Variants in HSPB7 observed in about 807,000 individuals in gnomAD.
The protein encoded by HSPB7 is heat shock protein beta-7.
Under a neutral mutation model 11.0 loss-of-function variants are expected in HSPB7, and 9 were observed. The observed-to-expected ratio is 0.82, with a 90% CI of 0.49 to 1.43. HSPB7 has a LOEUF of 1.43. Among genes scored for constraint, HSPB7 ranks in the 40% most tolerant of loss-of-function variants. The probability of loss-of-function intolerance (pLI) is 0.00; values close to 1 mark genes in which losing one functional copy is unlikely to be tolerated. For missense variants in HSPB7, 246 were observed against 243.9 expected (o/e 1.01, Z -0.06); for synonymous variants, 102 against 101.6 (o/e 1.00, Z -0.02).
At chr1:16,018,076 C>A (rs555020227), upstream of HSPB7, 1,326 of 1,583,042 alleles carry the variant, frequency 8.4e-4, no homozygotes, top group Non-Finnish European at 1.0e-3. Context: ...TTTATAAGGC[C>A]GACTGTCCCT....
Position 16,015,471 on chromosome 1 carries a change from T to G in HSPB7, c.*109A>C. ...TGGTCCACCTGGGGTCTGGGGTGCG[T>G]GGGGGCTAGAACCTGGGCTGAGATG... On this transcript the variant is annotated 3_prime_UTR_variant, in exon 3 of 3. Coordinates refer to ENST00000311890, the MANE Select transcript of HSPB7 (RefSeq NM_014424.5). The surrounding 1 kb of genome is among the most constrained non-coding windows in gnomAD (Gnocchi z 4.9). 1 of 1,073,924 alleles carries G rather than the reference T, an allele frequency of 9.3e-7. No individual in the cohort carries two copies. 66.5% of individuals were successfully genotyped at this position (1,073,924 alleles called of 1,614,324 possible). A position where few individuals can be genotyped will look rare whatever the true frequency, so the allele number is the denominator to read the frequency against.
At position 16,015,691 on chromosome 1, in the gene HSPB7, C is replaced by T. The variant is rs777263308; in HGVS notation, c.402G>A (p.Pro134=). The change falls in exon 3 of 3, where the codon CCG becomes CCA. Residue 134 remains proline, a synonymous_variant. Transcript: ENST00000311890. The surrounding 1 kb of genome is among the most constrained non-coding windows in gnomAD (Gnocchi z 4.9). ...HKCQLPEDVD[P]TSVTSALRED... Reference sequence around the variant, plus strand: ...CCCGCAGAGCCGAGGTCACCGACGTCGGGTCCACGTCCTCCGGCAGCTGGC... The same window carrying T: ...CCCGCAGAGCCGAGGTCACCGACGTTGGGTCCACGTCCTCCGGCAGCTGGC... 8.7e-6 allele frequency: 14 copies of T among 1,612,806 alleles called. No homozygotes were observed. The highest frequency in any genetic ancestry group is 2.2e-5 in the East Asian group (1 of 44,866).
upstream of HSPB7, chr1:16,018,973 G>A: frequency 1.0e-6 from 1 of 993,534 alleles, no homozygotes; most frequent in African/African-American, 1.6e-5. Flanking sequence ...GCTCGCAGTT[G>A]CGTAAGTGGC....
In HSPB7 at chr1:16,014,778, G is replaced by A. The variant is rs979313619; in HGVS notation, c.*802C>T. Reference sequence around the variant, plus strand: ...CATGCCCTGGCTTCCATCTCTGTTAGGTGATCCTGTCTGCATGGGAGCAGC... The same window carrying A: ...CATGCCCTGGCTTCCATCTCTGTTAAGTGATCCTGTCTGCATGGGAGCAGC... On this transcript the variant is annotated 3_prime_UTR_variant, in exon 3 of 3. Transcript: ENST00000311890. 1.3e-5 allele frequency: 2 copies of A among 152,254 alleles called. No homozygotes were observed. The highest frequency in any genetic ancestry group is 2.9e-5 in the Non-Finnish European group (2 of 68,072). 9.4% of individuals were successfully genotyped at this position (152,254 alleles called of 1,614,324 possible).
chr1:16,016,283 C>T (rs11807649), intron 2 of HSPB7, among the ~76,000 whole-genome samples: 1,631 of 152,298 alleles, frequency 0.011, 35 homozygotes, highest in African/African-American at 0.037. Flanking sequence ...CTGGCAGGGA[C>T]GCCCAGAAAT....
chr1:16,018,936 G>A (rs2021956859), upstream of HSPB7: 3 of 1,118,074 alleles, frequency 2.7e-6, no homozygotes, highest in East Asian at 7.9e-5. Context: ...TACGGACGGG[G>A]AAGCGAAGCC....
At position 16,015,564 on chromosome 1, in the gene HSPB7, GGGAA is replaced by G; in HGVS notation, c.*12_*15del. 1 of 1,613,118 alleles carries G rather than the reference GGGAA, an allele frequency of 6.2e-7. No individual in the cohort carries two copies. The highest frequency in any genetic ancestry group is 8.5e-7 in the Non-Finnish European group (1 of 1,179,248). On this transcript the variant is annotated 3_prime_UTR_variant, in exon 3 of 3. Transcript: ENST00000311890. This position sits in a 1 kb window ranked among gnomAD's most constrained non-coding sequence, Gnocchi z 4.9. ...GGCGTGGGGCGGGGGGACAGGGAAA[GGGAA>G]GGGAGAGGCACTCAGATTTTGATCT...
At position 16,014,477 on chromosome 1, in the gene HSPB7, TCTA is replaced by T. The variant is rs1378271704; in HGVS notation, c.*1100_*1102del. The T allele has an allele frequency of 6.6e-6, 1 of 152,202 alleles. No individual in the cohort carries two copies. The highest frequency in any genetic ancestry group is 1.5e-5 in the Non-Finnish European group (1 of 68,044). The allele number at this position is 152,202 out of a possible 1,614,324, so 9.4% of individuals were successfully genotyped here. On this transcript the variant is annotated 3_prime_UTR_variant, in exon 3 of 3. Coordinates refer to ENST00000311890, the MANE Select transcript of HSPB7 (RefSeq NM_014424.5). ...CAGCAGTTGACACCCTGGGTTCAGA[TCTA>T]ACCTTCAGTGACAAAGCACAGCACT...
Position 16,017,899 on chromosome 1 carries a change from G to A in HSPB7, c.65C>T (p.Ser22Phe). ...GGCCGAGGAGGAGGTGGAAGAGGAG[G>A]AGGAAGAGGAAGAGGAATGGAAACT... is the stretch of plus-strand genomic sequence containing the variant. Reference protein sequence around the residue: ...ERSFHSSSSSSSSSTSSSASR... With the variant: ...ERSFHSSSSSFSSSTSSSASR... Residue 22 changes from serine to phenylalanine, a missense_variant, in exon 1 of 3, where the codon TCC (serine) becomes TTC (phenylalanine). Coordinates refer to ENST00000311890, the MANE Select transcript of HSPB7 (RefSeq NM_014424.5). The A allele has an allele frequency of 6.2e-7, 1 of 1,613,498 alleles. No homozygotes were observed. Among genetic ancestry groups the A allele is most frequent in the Non-Finnish European group, 8.5e-7 (1 of 1,179,566 alleles).
upstream of HSPB7, chr1:16,019,075 GGAAGAGCCAGA>G (rs2021962814): frequency 7.1e-7 from 1 of 1,399,246 alleles, no homozygotes; most frequent in Non-Finnish European, 9.6e-7. Flanking sequence ...AGGCTGGCCC[GGAAGAGCCAGA>G]GAAGCCCCTC....
upstream of HSPB7, chr1:16,018,336 G>T (rs529428168): frequency 1.2e-5 from 15 of 1,237,894 alleles, no homozygotes; most frequent in African/African-American, 2.4e-4. Flanking sequence ...TTGCAAGTTT[G>T]GGGTTTATTG....
chr1:16,017,304 C>T lies in HSPB7; in HGVS notation c.200-97G>A, dbSNP rs2021812438. The T allele has an allele frequency of 1.5e-5, 22 of 1,485,660 alleles. No homozygotes were observed. In the South Asian group the frequency reaches 2.5e-4, roughly 17 times the overall value. The allele number at this position is 1,485,660 out of a possible 1,614,324, so 92.0% of individuals were successfully genotyped here. On this transcript the variant is annotated intron_variant, in intron 1 of 2. Transcript: ENST00000311890. The stretch of plus-strand genomic sequence containing the variant: ...CTCTTGGGGCAAGGGGCGGCTCCCC[C>T]AGGCCCTACCTCCCCCCTAGCTGTT...
intron 1 of HSPB7, 59 bp from the exon 2 acceptor site, chr1:16,017,266 G>A: frequency 6.3e-7 from 1 of 1,583,134 alleles, no homozygotes; most frequent in Non-Finnish European, 8.6e-7. Flanking sequence ...AGATCCGGGG[G>A]TTCTGGCTCC....
Position 16,015,651 on chromosome 1 carries a change from T to C in HSPB7, c.442A>G (p.Thr148Ala), listed in dbSNP as rs530970423. 579 of 1,613,686 alleles carry C rather than the reference T, an allele frequency of 3.6e-4. 9 individuals carry two copies. The Admixed American group carries it at 9.6e-3, about 27-fold the overall frequency. Reference protein sequence around the residue: ...TSALREDGSLTIRARRHPHTE... With the variant: ...TSALREDGSLAIRARRHPHTE... Reference sequence around the variant, plus strand: ...TGCGGGTGACGCCGTGCCCGGATAGTGAGGCTGCCGTCCTCCCGCAGAGCC... The same window carrying C: ...TGCGGGTGACGCCGTGCCCGGATAGCGAGGCTGCCGTCCTCCCGCAGAGCC... The change falls in exon 3 of 3, where the codon ACT (threonine) becomes GCT (alanine). Residue 148 changes from threonine (T) to alanine (A), a missense_variant. Physicochemically the swap from Thr to Ala is moderately conservative, Grantham distance 58. Transcript: ENST00000311890. This position sits in a 1 kb window ranked among gnomAD's most constrained non-coding sequence, Gnocchi z 4.9.
chr1:16,018,422 G>A (rs1043293517), upstream of HSPB7: 5 of 1,169,464 alleles, frequency 4.3e-6, no homozygotes, highest in African/African-American at 3.2e-5. Context: ...TCTCCTCCAC[G>A]GCTGTACCTC....
At position 16,017,279 on chromosome 1, in the gene HSPB7, C is replaced by G; in HGVS notation, c.200-72G>C. 2.5e-6 allele frequency: 4 copies of G among 1,573,520 alleles called. No individual in the cohort carries two copies. In the East Asian group the frequency reaches 6.8e-5, roughly 27 times the overall value. ...GCAGATCCGGGGGTTCTGGCTCCTT[C>G]TCTTGGGGCAAGGGGCGGCTCCCCC... is the stretch of plus-strand genomic sequence containing the variant. On this transcript the variant is annotated intron_variant, in intron 1 of 2. Transcript: ENST00000311890.
rs201412305 is a variant in HSPB7 at position 16,017,978 on chromosome 1, G to C, written c.-15C>G. ...CTGTGGCTCATCCACGGACGGCGCC[G>C]GGCCCTGCCCAGGCGGGCGAGGGCT... On this transcript the variant is annotated 5_prime_UTR_variant, in exon 1 of 3. Transcript: ENST00000311890. 2.8e-4 allele frequency: 459 copies of C among 1,612,778 alleles called. No homozygotes were observed. The highest frequency in any genetic ancestry group is 1.3e-3 in the Middle Eastern group (8 of 6,042).
upstream of HSPB7, chr1:16,018,449 G>C: frequency 8.7e-7 from 1 of 1,153,192 alleles, no homozygotes; most frequent in South Asian, 1.8e-5. Flanking sequence ...CAGTGTGCAG[G>C]CTCCTTGGGG....
At chr1:16,016,242 T>C (rs1763598) in intron 2 of HSPB7, among the ~76,000 whole-genome samples, 138,620 of 152,188 alleles carry the variant, frequency 0.91, 63,196 homozygotes, top group East Asian at 1. Context: ...ATGCTGCCTG[T>C]GGGTTTTGGT....
Sources: allele counts gnomAD v4.1 joint callset (sites outside exome capture counted in the v4.1 genomes callset), GRCh38; gene constraint gnomAD v4.1.1; non-coding constraint Gnocchi (gnomAD v3.1); transcripts MANE v1.5; gene names NCBI Gene and HGNC (gene_info 2026-07-23, HGNC 2026-07-21).